Variants in ULK4 observed in about 807,000 individuals in gnomAD.
The protein encoded by ULK4 is unc-51 like kinase 4.
Under a neutral mutation model 160.6 loss-of-function variants are expected in ULK4, and 133 were observed. That is an observed-to-expected ratio of 0.83 (90% CI 0.72 to 0.96). ULK4 has a LOEUF of 0.96. Among genes scored for constraint, ULK4 ranks in the 40% least tolerant of loss-of-function variants. ULK4 has a pLI of 0.00. For synonymous variants in ULK4, 534 were observed against 539.8 expected, an observed-to-expected ratio of 0.99 and a Z score of 0.15; for missense variants, 1,580 against 1,499.5, an observed-to-expected ratio of 1.05 and a Z score of -0.89.
At chr3:41,481,252 A>G (rs953341866) in intron 32 of ULK4, among the ~76,000 whole-genome samples, 2 of 152,150 alleles carry the variant, frequency 1.3e-5, no homozygotes, top group African/African-American at 2.4e-5. Context: ...TAACATATTT[A>G]ACATGTTTTA....
intron 2 of ULK4, among the ~76,000 whole-genome samples, chr3:41,942,751 G>T (rs113300894): frequency 2.6e-5 from 4 of 152,064 alleles, no homozygotes; most frequent in African/African-American, 9.7e-5. Flanking sequence ...CGGGAGGTGA[G>T]GCTGCAGTGA....
At chr3:41,537,423 T>C (rs1247167998) in intron 32 of ULK4, among the ~76,000 whole-genome samples, 2 of 152,222 alleles carry the variant, frequency 1.3e-5, no homozygotes, top group African/African-American at 4.8e-5. Context: ...AACCATTTTC[T>C]TTCCACTTTC....
intron 20 of ULK4, among the ~76,000 whole-genome samples, chr3:41,790,788 G>A (rs1575713975): frequency 6.6e-6 from 1 of 152,078 alleles, no homozygotes; most frequent in African/African-American, 2.4e-5. Context: ...AACAAAGCTA[G>A]GAACTTAAAA....
intron 35 of ULK4, among the ~76,000 whole-genome samples, chr3:41,271,645 C>T (rs1327245706): frequency 1.3e-5 from 2 of 152,130 alleles, no homozygotes; most frequent in African/African-American, 2.4e-5. Context: ...CCACCTGCCT[C>T]GGCCTCCCAA....
intron 30 of ULK4, among the ~76,000 whole-genome samples, chr3:41,657,818 T>TAAAACAAAAAAA (rs2034996424): frequency 1.0e-5 from 1 of 99,760 alleles, no homozygotes; most frequent in Non-Finnish European, 1.8e-5. Context: ...TCCATCTCAT[T>TAAAACAAAAAAA]AAAAAAAAAA....
At chr3:41,431,539 T>C (rs544690842) in intron 34 of ULK4, among the ~76,000 whole-genome samples, 3 of 139,628 alleles carry the variant, frequency 2.1e-5, no homozygotes, top group Non-Finnish European at 4.6e-5. Context: ...GGTGTTGTAA[T>C]TCCCTCCCTT....
intron 32 of ULK4, among the ~76,000 whole-genome samples, chr3:41,469,820 A>G (rs2083931690): frequency 6.7e-5 from 10 of 150,352 alleles, no homozygotes; most frequent in Admixed American, 6.6e-4. Flanking sequence ...TGAAAAATAC[A>G]AACAGGAAGC....
At chr3:41,728,788 G>A (rs1559512115) in intron 22 of ULK4, among the ~76,000 whole-genome samples, 2 of 151,988 alleles carry the variant, frequency 1.3e-5, no homozygotes, top group Non-Finnish European at 2.9e-5. Flanking sequence ...AGGTTATTCA[G>A]ACAAACATTT....
chr3:41,706,893 A>G lies in ULK4; in HGVS notation c.2635-1588T>C, dbSNP rs572200106. ...TGTGTGTGTGTGTGTGTGTGTGTAT[A>G]TATATATAGAGAGAGAGAGAGAATA... On this transcript the variant is annotated intron_variant, in intron 25 of 36. Coordinates refer to ENST00000301831, the MANE Select transcript of ULK4 (RefSeq NM_017886.4). Among the ~76,000 whole-genome samples the G allele has an allele frequency of 2.1e-3, 271 of 128,470 alleles. 1 individual carries two copies. The highest frequency in any genetic ancestry group is 6.9e-3 in the African/African-American group (175 of 25,474). 84.3% of individuals were successfully genotyped at this position (128,470 alleles called of 152,430 possible).
chr3:41,272,489 C>T (rs2079155857), intron 35 of ULK4, among the ~76,000 whole-genome samples: 1 of 151,534 alleles, frequency 6.6e-6, no homozygotes, highest in South Asian at 2.1e-4. Flanking sequence ...TCCTTTGTTC[C>T]TCTGCATGTA....
At chr3:41,803,848 C>G (rs1401983041) in intron 19 of ULK4, among the ~76,000 whole-genome samples, 90 of 152,268 alleles carry the variant, frequency 5.9e-4, no homozygotes, top group African/African-American at 1.4e-3. Context: ...GTATTCCATG[C>G]TGTATATGTG....
At chr3:41,667,012 G>A (rs1337675585) in intron 29 of ULK4, among the ~76,000 whole-genome samples, 1 of 151,858 alleles carries the variant, frequency 6.6e-6, no homozygotes, top group East Asian at 1.9e-4. Context: ...TAAATAATTG[G>A]GTGCAAGGGC....
At chr3:41,494,278 C>T (rs1411779344) in intron 32 of ULK4, among the ~76,000 whole-genome samples, 65 of 107,010 alleles carry the variant, frequency 6.1e-4, no homozygotes, top group African/African-American at 1.9e-3. Flanking sequence ...GTTCAATATA[C>T]ACAAATCAAT....
At chr3:41,516,273 A>G (rs944565788) in intron 32 of ULK4, among the ~76,000 whole-genome samples, 10 of 152,230 alleles carry the variant, frequency 6.6e-5, no homozygotes, top group Admixed American at 4.6e-4. Context: ...TACAGATTTG[A>G]AAATAAGTAT....
At chr3:41,420,825 A>C (rs957814069) in intron 34 of ULK4, among the ~76,000 whole-genome samples, 20 of 151,650 alleles carry the variant, frequency 1.3e-4, no homozygotes, top group Admixed American at 1.3e-3. Flanking sequence ...AAAAAAAAAA[A>C]AAAGCCGGCC....
At chr3:41,959,236 G>A (rs1429070220) in intron 1 of ULK4, among the ~76,000 whole-genome samples, 4 of 152,008 alleles carry the variant, frequency 2.6e-5, no homozygotes, top group African/African-American at 9.7e-5. Context: ...ATGGTGGCAC[G>A]CGCCTGTAGT....
intron 18 of ULK4, among the ~76,000 whole-genome samples, chr3:41,824,128 A>T (rs2041249534): frequency 6.8e-6 from 1 of 147,606 alleles, no homozygotes; most frequent in African/African-American, 2.5e-5. Context: ...ATGTCACTGC[A>T]TTCCAGCCTG....
intron 35 of ULK4, among the ~76,000 whole-genome samples, chr3:41,313,528 TTACA>T (rs2080090111): frequency 6.6e-6 from 1 of 152,224 alleles, no homozygotes; most frequent in Non-Finnish European, 1.5e-5. Flanking sequence ...ATTTCTGCTC[TTACA>T]TTTAGCATTT....
Position 41,246,973 on chromosome 3 carries a change from C to T in ULK4, c.3784G>A (p.Val1262Met). 1 of 1,613,946 alleles carries T rather than the reference C, an allele frequency of 6.2e-7. No individual in the cohort carries two copies. Among genetic ancestry groups the T allele is most frequent in the Non-Finnish European group, 8.5e-7 (1 of 1,179,942 alleles). The change falls in exon 37 of 37, where the codon GTG (valine) becomes ATG (methionine). Residue 1262 changes from valine (V) to methionine (M), a missense_variant. By Grantham distance (21) the Val-to-Met change is conservative. Coordinates refer to ENST00000301831, the MANE Select transcript of ULK4 (RefSeq NM_017886.4). ...PGSGSFADSA[V>M]APLALEILQA... Reference sequence around the variant, plus strand: ...AGGATTTCCAGGGCCAAGGGAGCCACCGCACTGTCGGCAAATGAACTGTAA... The same window carrying T: ...AGGATTTCCAGGGCCAAGGGAGCCATCGCACTGTCGGCAAATGAACTGTAA...
Sources: gnomAD v4.1 joint callset for allele counts (sites outside exome capture counted in the v4.1 genomes callset) on GRCh38, gnomAD v4.1.1 for gene constraint, MANE v1.5 for transcripts, NCBI Gene and HGNC (gene_info 2026-07-23, HGNC 2026-07-21) for gene names.